The following EIF3K variants were observed in gnomAD, a reference collection of about 807,000 sequenced individuals.
EIF3K encodes the protein eIF-3 p28.
EIF3K carries 27 observed loss-of-function variants against 34.2 expected under a neutral mutation model. The ratio of observed to expected loss-of-function variants is 0.79; its 90% confidence interval spans 0.58 to 1.09. The LOEUF (loss-of-function observed/expected upper bound fraction) is 1.09. Among genes scored for constraint, EIF3K ranks in the 50% least tolerant of loss-of-function variants. The pLI is 0.00. For synonymous variants in EIF3K, 105 were observed against 105.7 expected (o/e 0.99, Z 0.04); for missense variants, 232 against 275.4 (o/e 0.84, Z 1.11).
chr19:38,633,840 G>T (rs1976126616), intron 6 of EIF3K, among the ~76,000 whole-genome samples: 1 of 152,074 alleles, frequency 6.6e-6, no homozygotes, highest in Non-Finnish European at 1.5e-5. Flanking sequence ...GGACGTGTTG[G>T]CATGTGCCTG....
intron 4 of EIF3K, among the ~76,000 whole-genome samples, chr19:38,627,079 C>T (rs942083025): frequency 2.0e-5 from 3 of 152,082 alleles, no homozygotes; most frequent in Admixed American, 6.6e-5. Context: ...TGCCGCCTCC[C>T]GAGTTCAACT....
chr19:38,622,396 C>T (rs530713682), intron 2 of EIF3K, among the ~76,000 whole-genome samples: 2 of 152,288 alleles, frequency 1.3e-5, no homozygotes, highest in East Asian at 1.9e-4. Flanking sequence ...ATCCGTGATG[C>T]CTCACAAGCC....
At chr19:38,629,748 CA>C (rs1428427218) in intron 4 of EIF3K, among the ~76,000 whole-genome samples, 1 of 152,128 alleles carries the variant, frequency 6.6e-6, no homozygotes, top group African/African-American at 2.4e-5. Context: ...AGGAGAATTC[CA>C]TACACAGGCC....
chr19:38,627,174 C>T (rs969173376), intron 4 of EIF3K, among the ~76,000 whole-genome samples: 5 of 151,772 alleles, frequency 3.3e-5, no homozygotes, highest in East Asian at 2.0e-4. Context: ...TTAGTAGAGA[C>T]GGGGTTTTGC....
At chr19:38,630,877 T>C (rs1364892212) in intron 4 of EIF3K, 2 of 151,586 alleles carry the variant, frequency 1.3e-5, no homozygotes, top group South Asian at 2.1e-4. Flanking sequence ...GGTTTCTCCA[T>C]GTTGGTCAGG....
chr19:38,628,163 C>CA (rs1975987310), intron 4 of EIF3K, among the ~76,000 whole-genome samples: 1 of 152,084 alleles, frequency 6.6e-6, no homozygotes, highest in Admixed American at 6.6e-5. Flanking sequence ...CTTGGCCTTC[C>CA]AAAGTGCTGG....
intron 2 of EIF3K, among the ~76,000 whole-genome samples, chr19:38,621,167 G>A (rs537160941): frequency 6.7e-6 from 1 of 150,288 alleles, no homozygotes; most frequent in East Asian, 1.9e-4. Context: ...CTGCACTCCA[G>A]CCTGGGGGAC....
At chr19:38,621,402 G>C (rs568703274) in intron 2 of EIF3K, among the ~76,000 whole-genome samples, 52 of 151,960 alleles carry the variant, frequency 3.4e-4, no homozygotes, top group Admixed American at 2.9e-3. Flanking sequence ...GACAGAGTGA[G>C]ACCCTGTCTC....
rs1975781718 is a variant in EIF3K at position 38,619,322 on chromosome 19, C to T, written c.54C>T (p.Ile18=). ...ACGTGGGCAAGTTGCTCAAGGGTAT[C>T]GACAGGTCTGAGCCCGGTTGGAGGA... is the stretch of plus-strand genomic sequence containing the variant. The part of the protein sequence containing the change: ...RANVGKLLKG[I]DRYNPENLAT... The change falls in exon 1 of 8, where the codon ATC becomes ATT. Residue 18 remains isoleucine, a synonymous_variant. Coordinates refer to ENST00000248342, the MANE Select transcript of EIF3K (RefSeq NM_013234.4). The T allele has an allele frequency of 6.2e-7, 1 of 1,613,920 alleles. No individual in the cohort carries two copies. The highest frequency in any genetic ancestry group is 8.5e-7 in the Non-Finnish European group (1 of 1,179,908).
At chr19:38,632,346 T>G (rs1976087334) in intron 4 of EIF3K, 84 bp from the exon 5 acceptor site, 3 of 1,353,512 alleles carry the variant, frequency 2.2e-6, no homozygotes, top group Non-Finnish European at 2.1e-6. Context: ...GGCAACGTAG[T>G]GAGACCCCAT....
intron 6 of EIF3K, among the ~76,000 whole-genome samples, chr19:38,633,955 T>C (rs1238553028): frequency 6.6e-6 from 1 of 150,424 alleles, no homozygotes; most frequent in African/African-American, 2.4e-5. Context: ...CTGGGCACTT[T>C]TAGTAGAGAA....
intron 2 of EIF3K, among the ~76,000 whole-genome samples, chr19:38,622,099 C>CTTT (rs761519463): frequency 4.4e-5 from 6 of 135,332 alleles, no homozygotes; most frequent in African/African-American, 1.4e-4. Flanking sequence ...TCTTTCTTTC[C>CTTT]TTTTTTTTTT....
At chr19:38,625,299 C>T (rs1212771320) in intron 3 of EIF3K, among the ~76,000 whole-genome samples, 1 of 151,730 alleles carries the variant, frequency 6.6e-6, no homozygotes, top group African/African-American at 2.4e-5. Context: ...GCAGCTGGGA[C>T]CACAGGTGCA....
chr19:38,626,015 TTCC>T lies in EIF3K; in HGVS notation c.280-6_280-4del, dbSNP rs112481983. 2.0e-5 allele frequency: 32 copies of T among 1,614,080 alleles called. No homozygotes were observed. The highest frequency in any genetic ancestry group is 1.7e-4 in the African/African-American group (13 of 75,028). On this transcript the variant is annotated splice_polypyrimidine_tract_variant and intron_variant, in intron 3 of 7. Coordinates refer to ENST00000248342, the MANE Select transcript of EIF3K (RefSeq NM_013234.4). ...CTCCGAGGCCAGTTTTCCTTAATGCTTCCTCCTCCCAGCAAGAAGAACGGCCAA... is the reference window on the plus strand; with the variant it reads ...CTCCGAGGCCAGTTTTCCTTAATGCTTCCTCCCAGCAAGAAGAACGGCCAA...
intron 6 of EIF3K, among the ~76,000 whole-genome samples, chr19:38,633,257 C>T (rs1379635676): frequency 2.0e-5 from 3 of 152,038 alleles, no homozygotes; most frequent in Non-Finnish European, 4.4e-5. Context: ...TGTCCTTTCC[C>T]CTGACTGAGA....
At chr19:38,635,393 T>C in intron 7 of EIF3K, 1 of 501,196 alleles carries the variant, frequency 2.0e-6, no homozygotes, top group Non-Finnish European at 3.6e-6. Context: ...ACAGGGGGTC[T>C]CTGCACCCTT....
At chr19:38,629,958 C>T (rs1469750093) in intron 4 of EIF3K, among the ~76,000 whole-genome samples, 2 of 152,174 alleles carry the variant, frequency 1.3e-5, no homozygotes, top group African/African-American at 4.8e-5. Flanking sequence ...GCTGAATACA[C>T]TTAGCCAATA....
At chr19:38,623,050 A>G (rs1452874488) in intron 2 of EIF3K, among the ~76,000 whole-genome samples, 3 of 152,222 alleles carry the variant, frequency 2.0e-5, no homozygotes. Context: ...GGAACGATAT[A>G]CATCCTCCTC....
intron 2 of EIF3K, among the ~76,000 whole-genome samples, chr19:38,622,040 G>T (rs1047903512): frequency 6.6e-6 from 1 of 151,236 alleles, no homozygotes; most frequent in African/African-American, 2.4e-5. Context: ...TGAATAGCTG[G>T]GACTACAGGC....
Sources: allele counts gnomAD v4.1 joint callset (sites outside exome capture counted in the v4.1 genomes callset), GRCh38; gene constraint gnomAD v4.1.1; transcripts MANE v1.5; gene names NCBI Gene and HGNC (gene_info 2026-07-23, HGNC 2026-07-21).